Variants in LARS2 observed in about 807,000 individuals in gnomAD.
LARS2 encodes leucine--tRNA ligase, mitochondrial.
In LARS2, 81 loss-of-function variants were observed where a neutral mutation model predicts 116.6. The ratio of observed to expected loss-of-function variants is 0.69; its 90% CI spans 0.58 to 0.84. The LOEUF (loss-of-function observed/expected upper bound fraction) is 0.84, where lower values mean the gene tolerates loss of function less well. Among genes scored for constraint, LARS2 ranks in the 40% least tolerant of loss-of-function variants. LARS2 has a pLI of 0.00. For synonymous variants in LARS2, 396 were observed against 407.2 expected (o/e 0.97, Z 0.33); for missense variants, 968 against 1,114.5 (o/e 0.87, Z 1.87).
intron 6 of LARS2, among the ~76,000 whole-genome samples, chr3:45,427,896 A>G (rs1698623850): frequency 6.7e-6 from 1 of 148,442 alleles, no homozygotes; most frequent in Non-Finnish European, 1.5e-5. Flanking sequence ...ATCTTGGCTC[A>G]CTGCAACCTC....
In LARS2 at chr3:45,541,853, T is replaced by C; in HGVS notation, c.2429T>C (p.Leu810Pro). 6.2e-7 allele frequency: 1 copy of C among 1,614,196 alleles called. No homozygotes were observed. The highest frequency in any genetic ancestry group is 8.5e-7 in the Non-Finnish European group (1 of 1,180,012). The change falls in exon 21 of 22, where the codon CTC (leucine) becomes CCC (proline). Residue 810 changes from leucine (L) to proline (P), a missense_variant. By Grantham distance (98) the Leu-to-Pro change is moderately conservative. Transcript: ENST00000645846. ...GGCCTGGCGCTGGTGCCGAGGAAGC[T>C]CTGTGCCCACTACACTTGGGATGCC... ...WAGLALVPRK[L>P]CAHYTWDASV...
chr3:45,444,361 GA>G (rs112791347), intron 6 of LARS2, among the ~76,000 whole-genome samples: 149,402 of 149,404 alleles, frequency 1, 74,700 homozygotes, highest in Non-Finnish European at 1. Context: ...CAACCTAGGG[GA>G]AAAAAAAAAA....
intron 15 of LARS2, among the ~76,000 whole-genome samples, chr3:45,507,339 A>G (rs1403804649): frequency 6.6e-6 from 1 of 152,144 alleles, no homozygotes; most frequent in Non-Finnish European, 1.5e-5. Context: ...GCTCTCATAT[A>G]TTGCAGGAAG....
intron 6 of LARS2, among the ~76,000 whole-genome samples, chr3:45,427,689 A>G (rs945473124): frequency 6.6e-6 from 1 of 152,216 alleles, no homozygotes; most frequent in African/African-American, 2.4e-5. Flanking sequence ...ACCTAGATTG[A>G]GAAATAAAAC....
At chr3:45,490,339 T>C (rs1699893767) in intron 12 of LARS2, among the ~76,000 whole-genome samples, 1 of 152,222 alleles carries the variant, frequency 6.6e-6, no homozygotes, top group Non-Finnish European at 1.5e-5. Flanking sequence ...ACTCTGAGCA[T>C]TAATTATGCT....
chr3:45,454,686 A>G (rs1055611137), intron 7 of LARS2, among the ~76,000 whole-genome samples: 1 of 152,256 alleles, frequency 6.6e-6, no homozygotes, highest in African/African-American at 2.4e-5. Context: ...GGAAATGAAT[A>G]GAGTCAGTGA....
At chr3:45,400,750 G>A (rs1698132458) in intron 4 of LARS2, among the ~76,000 whole-genome samples, 1 of 152,178 alleles carries the variant, frequency 6.6e-6, no homozygotes, top group African/African-American at 2.4e-5. Context: ...ATGAGTGGCA[G>A]GTGAGACTGC....
intron 7 of LARS2, among the ~76,000 whole-genome samples, chr3:45,451,261 CA>C (rs1277095646): frequency 6.1e-5 from 9 of 148,558 alleles, no homozygotes; most frequent in Non-Finnish European, 7.5e-5. Context: ...TGGTCTTACC[CA>C]AAAAAAAAAT....
Position 45,400,280 on chromosome 3 carries a change from C to T in LARS2, c.270C>T (p.Phe90=), listed in dbSNP as rs1559455766. The part of the protein sequence containing the change: ...SKPKFYVLSM[F]PYPSGKLHMG... Reference sequence around the variant, plus strand: ...CAAAATTTTACGTGCTTTCCATGTTCCCTTATCCTTCTGGTAAGCTGCACA... The same window carrying T: ...CAAAATTTTACGTGCTTTCCATGTTTCCTTATCCTTCTGGTAAGCTGCACA... The change falls in exon 4 of 22, where the codon TTC becomes TTT. Residue 90 remains phenylalanine (F), a synonymous_variant. Transcript: ENST00000645846. 6.2e-7 allele frequency: 1 copy of T among 1,613,886 alleles called. No individual in the cohort carries two copies. The highest frequency in any genetic ancestry group is 1.6e-4 in the Middle Eastern group (1 of 6,062).
intron 7 of LARS2, among the ~76,000 whole-genome samples, chr3:45,451,169 A>T (rs1699120707): frequency 6.6e-6 from 1 of 151,502 alleles, no homozygotes. Flanking sequence ...TACTCTGTTC[A>T]TTGTTTCCTT....
intron 10 of LARS2, 69 bp from the exon 11 acceptor site, chr3:45,485,623 C>A (rs1276816212): frequency 3.6e-6 from 3 of 822,286 alleles, no homozygotes; most frequent in Non-Finnish European, 5.9e-6. Flanking sequence ...TCACTTGTTT[C>A]CTCTGAGATT....
At chr3:45,469,299 G>T (rs1374118665) in intron 8 of LARS2, among the ~76,000 whole-genome samples, 1 of 152,146 alleles carries the variant, frequency 6.6e-6, no homozygotes, top group African/African-American at 2.4e-5. Flanking sequence ...TATTTGTCAT[G>T]TCTTCTCTAA....
intron 7 of LARS2, among the ~76,000 whole-genome samples, chr3:45,451,990 A>G (rs895097329): frequency 7.2e-5 from 11 of 152,006 alleles, no homozygotes; most frequent in Non-Finnish European, 1.3e-4. Flanking sequence ...TTTCAGATTG[A>G]TCATTGTTAA....
At chr3:45,517,822 T>G in intron 17 of LARS2, 81 bp from the exon 18 acceptor site, 1 of 1,178,954 alleles carries the variant, frequency 8.5e-7, no homozygotes. Flanking sequence ...TTCACAGGTG[T>G]TTTTCTCTGC....
intron 11 of LARS2, 102 bp from the exon 12 acceptor site, chr3:45,488,595 T>A (rs1310285172): frequency 2.8e-6 from 2 of 708,024 alleles, no homozygotes. Context: ...CTAAAAGAGA[T>A]AGTCTCCTTT....
At chr3:45,492,201 CTG>C (rs1402700213) in intron 13 of LARS2, among the ~76,000 whole-genome samples, 2 of 152,212 alleles carry the variant, frequency 1.3e-5, no homozygotes, top group African/African-American at 4.8e-5. Context: ...AATATAGTGA[CTG>C]TAACAACAGT....
chr3:45,407,666 A>G (rs953696462), intron 4 of LARS2, among the ~76,000 whole-genome samples: 3 of 152,214 alleles, frequency 2.0e-5, no homozygotes, highest in African/African-American at 7.2e-5. Context: ...ACACCATGAC[A>G]CTCTGAAAAT....
At chr3:45,440,065 G>A (rs961451255) in intron 6 of LARS2, among the ~76,000 whole-genome samples, 1 of 152,154 alleles carries the variant, frequency 6.6e-6, no homozygotes, top group Admixed American at 6.5e-5. Flanking sequence ...GAGAGTGGCC[G>A]TCAGTGTCTT....
chr3:45,506,047 A>G (rs1700196627), intron 15 of LARS2, among the ~76,000 whole-genome samples: 2 of 152,122 alleles, frequency 1.3e-5, no homozygotes. Context: ...TTTACCATCA[A>G]CATTAAGGAA....
Sources: allele counts gnomAD v4.1 joint callset (sites outside exome capture counted in the v4.1 genomes callset), GRCh38; gene constraint gnomAD v4.1.1; transcripts MANE v1.5; gene names NCBI Gene and HGNC (gene_info 2026-07-23, HGNC 2026-07-21).